ERN1: variants seen among roughly 807,000 people sequenced by gnomAD.
The protein encoded by ERN1 is endoplasmic reticulum to nucleus signaling 1.
A neutral mutation model predicts 113.1 loss-of-function variants in ERN1; 39 were observed. That is an observed-to-expected ratio of 0.34 (90% CI 0.27 to 0.45). The LOEUF is 0.45. Among genes scored for constraint, ERN1 ranks in the 20% least tolerant of loss-of-function variants. ERN1 has a pLI of 1.00. For missense variants in ERN1, 976 were observed against 1,274.8 expected, an observed-to-expected ratio of 0.77 and a Z score of 3.57; for synonymous variants, 507 against 515.9, an observed-to-expected ratio of 0.98 and a Z score of 0.23.
chr17:64,048,864 G>C (rs571886441), intron 18 of ERN1, among the ~76,000 whole-genome samples, 191 bp downstream of exon 18: 1 of 152,302 alleles, frequency 6.6e-6, no homozygotes, highest in Non-Finnish European at 1.5e-5. Flanking sequence ...GCTTTAGAAG[G>C]TGGCGCCCCA....
At chr17:64,058,807 C>G (rs556490460) in intron 11 of ERN1, among the ~76,000 whole-genome samples, 3 of 152,144 alleles carry the variant, frequency 2.0e-5, no homozygotes, top group African/African-American at 4.8e-5. Flanking sequence ...ACCCCTCCCC[C>G]CAGATGGCTG....
chr17:64,104,427 A>G (rs1914468157), intron 1 of ERN1, among the ~76,000 whole-genome samples: 1 of 152,108 alleles, frequency 6.6e-6, no homozygotes, highest in African/African-American at 2.4e-5. Context: ...GTTCCTTATC[A>G]GGGGTTTCAG....
chr17:64,090,686 C>T (rs183564165), intron 2 of ERN1, among the ~76,000 whole-genome samples: 161 of 152,292 alleles, frequency 1.1e-3, no homozygotes, highest in Middle Eastern at 3.4e-3. Flanking sequence ...CTGAGATCCA[C>T]GCTACTACGT....
intron 6 of ERN1, 30 bp downstream of exon 6, chr17:64,071,951 G>A: frequency 6.4e-7 from 1 of 1,551,306 alleles, no homozygotes. Flanking sequence ...GAAACAGGCA[G>A]GTTGTAGAAG....
chr17:64,081,973 A>G (rs990906456), intron 2 of ERN1, among the ~76,000 whole-genome samples: 1 of 152,174 alleles, frequency 6.6e-6, no homozygotes, highest in African/African-American at 2.4e-5. Flanking sequence ...CCCCACAGCC[A>G]TGCTATACAC....
Position 64,045,369 on chromosome 17 carries a change from G to A in ERN1, c.2643C>T (p.Pro881=), listed in dbSNP as rs1000898556. ...KMDWRENITV[P]LQTDLRKFRT... is the part of the protein sequence containing the mutation. ...CTGCAGCATGATCACCTGTCTGGAG[G>A]GGGACAGTGATGTTCTCCCGCCAGT... Residue 881 remains proline, a synonymous_variant, in exon 20 of 22, where the codon CCC becomes CCT. Coordinates refer to ENST00000433197, the MANE Select transcript of ERN1 (RefSeq NM_001433.5). 2 of 1,613,844 alleles carry A rather than the reference G, an allele frequency of 1.2e-6. No individual in the cohort carries two copies. The highest frequency in any genetic ancestry group is 1.7e-6 in the Non-Finnish European group (2 of 1,179,864).
intron 6 of ERN1, among the ~76,000 whole-genome samples, chr17:64,069,433 G>C (rs1229045915): frequency 6.6e-6 from 1 of 152,130 alleles, no homozygotes; most frequent in Admixed American, 6.5e-5. Context: ...GACTGAGAAA[G>C]ATACAAAACT....
rs551905307 is a variant in ERN1 at position 64,045,445 on chromosome 17, C to T, written c.2567G>A (p.Gly856Asp). 1.7e-5 allele frequency: 27 copies of T among 1,613,966 alleles called. No individual in the cohort carries two copies. The East Asian group carries it at 4.9e-4, about 29-fold the overall frequency. The change falls in exon 20 of 22, where the codon GGC (glycine) becomes GAC (aspartate). Residue 856 changes from glycine (G) to aspartate (D), a missense_variant. This residue lies in a region of ERN1 where 297 missense variants were observed against 457.8 expected (regional missense o/e 0.65). Transcript: ENST00000433197. ...SDRIEKESLD[G>D]PIVKQLERGG... Reference sequence around the variant, plus strand: ...TCTCTCTAACTGCTTCACGATCGGGCCATCCAGGGATTCCTTTTCTATTCT... The same window carrying T: ...TCTCTCTAACTGCTTCACGATCGGGTCATCCAGGGATTCCTTTTCTATTCT...
At chr17:64,086,637 C>CTTTCCT (rs1913935562) in intron 2 of ERN1, among the ~76,000 whole-genome samples, 2 of 47,600 alleles carry the variant, frequency 4.2e-5, no homozygotes, top group East Asian at 1.4e-3. Context: ...CTTTTCTTTC[C>CTTTCCT]TTTTTTTTTT....
rs182251120 is a variant in ERN1, at chr17:64,059,376, T to G, written c.1206+1093A>C. Among the ~76,000 whole-genome samples the G allele has an allele frequency of 2.6e-3, 400 of 152,328 alleles. 1 individual carries two copies. The highest frequency in any genetic ancestry group is 3.7e-3 in the Non-Finnish European group (252 of 68,018). On this transcript the variant is annotated intron_variant, in intron 11 of 21. Transcript: ENST00000433197. ...TCTCTTCTTCTTCTGACCCTACTCATGTAGCCCAGGTGCATCTCTGTCCCT... is the reference window on the plus strand; with the variant it reads ...TCTCTTCTTCTTCTGACCCTACTCAGGTAGCCCAGGTGCATCTCTGTCCCT...
chr17:64,122,717 T>C (rs1185785071), intron 1 of ERN1, among the ~76,000 whole-genome samples: 1 of 152,194 alleles, frequency 6.6e-6, no homozygotes, highest in African/African-American at 2.4e-5. Flanking sequence ...CATGTAAAAG[T>C]CCTATTAAGC....
rs1335737939 is a variant in ERN1, at chr17:64,047,929, G to A, written c.2458C>T (p.Arg820Cys). Residue 820 changes from arginine to cysteine, a missense_variant, in exon 19 of 22, where the codon CGC (arginine) becomes TGC (cysteine). Transcript: ENST00000433197. ...EKMIAMDPQK[R>C]PSAKHVLKHP... ...TTGAGCACATGCTTCGCTGAGGGGC[G>A]TTTCTGAGGATCCATCGCAATCATC... 4.3e-6 allele frequency: 7 copies of A among 1,613,054 alleles called. No individual in the cohort carries two copies. Among genetic ancestry groups the A allele is most frequent in the African/African-American group, 2.7e-5 (2 of 74,910 alleles).
intron 10 of ERN1, among the ~76,000 whole-genome samples, chr17:64,061,145 G>A (rs1913042265): frequency 6.6e-6 from 1 of 152,200 alleles, no homozygotes; most frequent in Non-Finnish European, 1.5e-5. Context: ...ACGTTCATTT[G>A]CTGTTCACTA....
intron 1 of ERN1, chr17:64,129,601 G>A (rs1418599478): frequency 5.5e-6 from 2 of 363,254 alleles, no homozygotes; most frequent in East Asian, 4.0e-5. Context: ...CGCCCGCGAG[G>A]AGGAGGGTCC....
chr17:64,129,960 C>A lies in ERN1; in HGVS notation c.54+16G>T, dbSNP rs1915193453. On this transcript the variant is annotated intron_variant, in intron 1 of 21. Coordinates refer to ENST00000433197, the MANE Select transcript of ERN1 (RefSeq NM_001433.5). ...GTCGCGAGCTGTCCTCCACCCCACG[C>A]TCCCCGGTCACTCACCCCGAGGCCG... is the stretch of plus-strand genomic sequence containing the variant. 2 of 1,443,738 alleles carry A rather than the reference C, an allele frequency of 1.4e-6. No individual in the cohort carries two copies. The highest frequency in any genetic ancestry group is 1.5e-5 in the African/African-American group (1 of 67,402). The allele number at this position is 1,443,738 out of a possible 1,614,324, so 89.4% of individuals were successfully genotyped here.
At position 64,080,611 on chromosome 17, in the gene ERN1, C is replaced by T. The variant is rs1913736443; in HGVS notation, c.209+164G>A. 7 of 610,810 alleles carry T rather than the reference C, an allele frequency of 1.1e-5. No homozygotes were observed. In the Admixed American group the frequency reaches 2.3e-4, roughly 20 times the overall value. 37.8% of individuals were successfully genotyped at this position (610,810 alleles called of 1,614,324 possible). A position where few individuals can be genotyped will look rare whatever the true frequency, so the allele number is the denominator to read the frequency against. ...CCCTCAGGAAACTGACCACCTCCTC[C>T]TCAACACAAGCTTTCATCATAGCAC... On this transcript the variant is annotated intron_variant, in intron 3 of 21. Transcript: ENST00000433197.
chr17:64,076,957 G>T (rs954109790), intron 4 of ERN1, among the ~76,000 whole-genome samples: 1 of 152,126 alleles, frequency 6.6e-6, no homozygotes, highest in African/African-American at 2.4e-5. Context: ...ACTTCTCCAG[G>T]CTGTTTCCAC....
chr17:64,122,501 T>C (rs544741962), intron 1 of ERN1, among the ~76,000 whole-genome samples: 84 of 152,332 alleles, frequency 5.5e-4, no homozygotes, highest in African/African-American at 1.9e-3. Flanking sequence ...TATTCATACA[T>C]GCTTCTAGGG....
At chr17:64,081,854 G>A (rs1302905209) in intron 2 of ERN1, among the ~76,000 whole-genome samples, 1 of 152,212 alleles carries the variant, frequency 6.6e-6, no homozygotes, top group Non-Finnish European at 1.5e-5. Flanking sequence ...GGCAGATGGT[G>A]GTGGCAGTGA....
Sources: allele counts gnomAD v4.1 joint callset (sites outside exome capture counted in the v4.1 genomes callset), GRCh38; gene constraint gnomAD v4.1.1; regional missense constraint gnomAD v4.1.1; transcripts MANE v1.5; gene names NCBI Gene and HGNC (gene_info 2026-07-23, HGNC 2026-07-21).